AMMECR1: variants seen among roughly 807,000 people sequenced by gnomAD.
AMMECR1 encodes the protein nuclear protein AMMECR1.
Under a neutral mutation model 22.5 loss-of-function variants are expected in AMMECR1, and 3 were observed. The ratio of observed to expected loss-of-function variants is 0.13; its 90% CI spans 0.06 to 0.35. The LOEUF is 0.35. Among genes scored for constraint, AMMECR1 ranks in the 10% least tolerant of loss-of-function variants. The pLI, the probability that AMMECR1 is intolerant of heterozygous loss-of-function variation, is 1.00. For missense variants in AMMECR1, 235 were observed against 278.7 expected, an observed-to-expected ratio of 0.84 and a Z score of 1.12; for synonymous variants, 130 against 116.7, an observed-to-expected ratio of 1.11 and a Z score of -0.74.
chrX:110,227,734 C>T (rs923693415), intron 2 of AMMECR1, among the ~76,000 whole-genome samples: 3 of 111,652 alleles, frequency 2.7e-5, no homozygotes, highest in African/African-American at 6.5e-5. Context: ...CTAGTGCTGG[C>T]GAGGCCAAGT....
intron 2 of AMMECR1, among the ~76,000 whole-genome samples, chrX:110,259,335 AC>A (rs1331323137): frequency 8.9e-6 from 1 of 111,857 alleles, no homozygotes; most frequent in Non-Finnish European, 1.9e-5. Context: ...GGCATAGTTC[AC>A]AATCAAGTTC....
At chrX:110,375,843 T>C (rs1242539685) in intron 2 of AMMECR1, among the ~76,000 whole-genome samples, 2 of 111,893 alleles carry the variant, frequency 1.8e-5, no homozygotes, top group African/African-American at 6.5e-5. Flanking sequence ...TTGAGTGAGG[T>C]AAATAAAACA....
At chrX:110,330,972 C>T (rs1336120669) in intron 2 of AMMECR1, among the ~76,000 whole-genome samples, 1 of 111,092 alleles carries the variant, frequency 9.0e-6, no homozygotes, top group Non-Finnish European at 1.9e-5. Context: ...ACAAAAGTCA[C>T]CAGTGATGTC....
intron 1 of AMMECR1, among the ~76,000 whole-genome samples, chrX:110,437,123 T>C (rs1454197167): frequency 9.0e-6 from 1 of 111,542 alleles, no homozygotes; most frequent in Non-Finnish European, 1.9e-5. Flanking sequence ...AGATCAGAAC[T>C]AGCGAGAGGA....
At chrX:110,366,867 T>A (rs2148256130) in intron 2 of AMMECR1, among the ~76,000 whole-genome samples, 1 of 112,315 alleles carries the variant, frequency 8.9e-6, no homozygotes, top group East Asian at 2.8e-4. Context: ...ATTCATTTCA[T>A]CCATTCATTC....
intron 2 of AMMECR1, among the ~76,000 whole-genome samples, chrX:110,417,548 C>A (rs1034599562): frequency 8.9e-6 from 1 of 111,870 alleles, no homozygotes; most frequent in Non-Finnish European, 1.9e-5. Context: ...GTCTTTGCAT[C>A]TTCCCAGCAG....
At chrX:110,383,231 C>T (rs1307978256) in intron 2 of AMMECR1, among the ~76,000 whole-genome samples, 1 of 111,095 alleles carries the variant, frequency 9.0e-6, no homozygotes, top group Non-Finnish European at 1.9e-5. Context: ...GGTCTTCTTC[C>T]CAGGAGGCTT....
At chrX:110,419,750 A>G (rs1354234027) in intron 2 of AMMECR1, among the ~76,000 whole-genome samples, 1 of 112,556 alleles carries the variant, frequency 8.9e-6, no homozygotes, top group Non-Finnish European at 1.9e-5. Flanking sequence ...GCTAAAAGGG[A>G]AGAGTTTGTT....
chrX:110,201,225 G>A (rs2067395505), intron 4 of AMMECR1, among the ~76,000 whole-genome samples, 175 bp from the exon 5 acceptor site: 1 of 111,743 alleles, frequency 8.9e-6, no homozygotes, highest in African/African-American at 3.2e-5. Flanking sequence ...ACAAAAGCAG[G>A]GTCATCACCA....
chrX:110,417,917 C>A (rs1263885710), intron 2 of AMMECR1, among the ~76,000 whole-genome samples: 7 of 112,518 alleles, frequency 6.2e-5, no homozygotes, highest in Non-Finnish European at 1.1e-4. Context: ...TCCAGTCCAC[C>A]AGCCTGTACC....
At chrX:110,412,619 G>C (rs1050350117) in intron 2 of AMMECR1, among the ~76,000 whole-genome samples, 1 of 112,236 alleles carries the variant, frequency 8.9e-6, no homozygotes, top group Non-Finnish European at 1.9e-5. Flanking sequence ...ATTCAGATAG[G>C]ACCTGGCACA....
intron 2 of AMMECR1, among the ~76,000 whole-genome samples, chrX:110,366,079 G>A (rs1485708428): frequency 9.0e-6 from 1 of 111,579 alleles, no homozygotes; most frequent in African/African-American, 3.3e-5. Flanking sequence ...ACATGTGTTG[G>A]TTCCTGCCAT....
Position 110,366,855 on chromosome X carries a change from A to G in AMMECR1, c.-147-49006T>C, listed in dbSNP as rs761588524. Among the ~76,000 whole-genome samples, 8 of 112,056 alleles carry G rather than the reference A, an allele frequency of 7.1e-5. No individual in the cohort carries two copies. In the South Asian group the frequency reaches 3.0e-3, roughly 42 times the overall value. The stretch of plus-strand genomic sequence containing the variant: ...CTTAGTACTATCTGCTAACTTCACT[A>G]CATTCATTTCATCCATTCATTCTTG... On this transcript the variant is annotated intron_variant, in intron 2 of 7. Transcript: ENST00000372057.
intron 2 of AMMECR1, among the ~76,000 whole-genome samples, chrX:110,332,964 A>T (rs1024513028): frequency 5.4e-5 from 6 of 111,830 alleles, no homozygotes; most frequent in African/African-American, 1.6e-4. Context: ...AGAAAGTCTG[A>T]ATACTAGTCC....
chrX:110,225,059 G>A (rs1490098126), intron 2 of AMMECR1: 1 of 371,579 alleles, frequency 2.7e-6, no homozygotes, highest in Admixed American at 2.6e-5. Context: ...GTCATCACCA[G>A]GATCCAAACA....
chrX:110,332,592 A>T (rs1352815722), intron 2 of AMMECR1, among the ~76,000 whole-genome samples: 1 of 111,743 alleles, frequency 8.9e-6, no homozygotes, highest in Admixed American at 9.5e-5. Context: ...GTTGTTGTAG[A>T]TTTTTTTCCC....
chrX:110,197,376 A>G lies in AMMECR1; in HGVS notation c.*1144T>C, dbSNP rs772843565. On this transcript the variant is annotated 3_prime_UTR_variant, in exon 6 of 6. Transcript: ENST00000262844. ...TTTGTTTTACTAAATTATCTTTACC[A>G]TATCTTTAGATGGTAGCTAAAATGG... 8.9e-6 allele frequency: 1 copy of G among 112,370 alleles called. No homozygotes were observed. Among genetic ancestry groups the G allele is most frequent in the Non-Finnish European group, 1.9e-5 (1 of 53,208 alleles). The allele number at this position is 112,370 out of a possible 1,213,427, so 9.3% of individuals were successfully genotyped here.
At chrX:110,237,623 G>T (rs1280871637) in intron 2 of AMMECR1, among the ~76,000 whole-genome samples, 1 of 111,627 alleles carries the variant, frequency 9.0e-6, no homozygotes, top group East Asian at 2.8e-4. Context: ...AATAATATTG[G>T]TTTAGAATGC....
At chrX:110,332,425 A>G (rs918453996) in intron 2 of AMMECR1, among the ~76,000 whole-genome samples, 1 of 111,964 alleles carries the variant, frequency 8.9e-6, no homozygotes, top group Non-Finnish European at 1.9e-5. Context: ...GTGTTCAATA[A>G]ATACATGCAA....
Sources: gnomAD v4.1 joint callset for allele counts (sites outside exome capture counted in the v4.1 genomes callset) on GRCh38, gnomAD v4.1.1 for gene constraint, MANE v1.5 for transcripts, NCBI Gene and HGNC (gene_info 2026-07-23, HGNC 2026-07-21) for gene names.